SEMA3C: variants seen among roughly 807,000 people sequenced by gnomAD.
SEMA3C encodes the protein semaphorin-3C.
A neutral mutation model predicts 89.4 loss-of-function variants in SEMA3C; 47 were observed. That is an observed-to-expected ratio of 0.53 (90% confidence interval 0.42 to 0.67). The LOEUF is 0.67. Ranked by LOEUF, SEMA3C falls within the 30% of genes least tolerant of loss-of-function variation. The pLI is 0.00. For synonymous variants in SEMA3C, 310 were observed against 320.2 expected (o/e 0.97, Z 0.34); for missense variants, 839 against 929.1 (o/e 0.90, Z 1.26).
intron 2 of SEMA3C, among the ~76,000 whole-genome samples, chr7:80,881,452 G>C (rs1399032926): frequency 6.6e-6 from 1 of 152,090 alleles, no homozygotes; most frequent in South Asian, 2.1e-4. Context: ...AAACAGAATT[G>C]ATACTTCCTC....
chr7:80,814,633 T>C (rs969587246), intron 5 of SEMA3C, among the ~76,000 whole-genome samples: 1 of 152,012 alleles, frequency 6.6e-6, no homozygotes, highest in Admixed American at 6.6e-5. Context: ...TTCCATGGGA[T>C]CTCTCATTCA....
intron 2 of SEMA3C, among the ~76,000 whole-genome samples, chr7:80,907,813 T>C (rs965848520): frequency 1.3e-5 from 2 of 152,030 alleles, no homozygotes; most frequent in Non-Finnish European, 2.9e-5. Context: ...CTGCTTGAGT[T>C]ATGATAACTA....
intron 12 of SEMA3C, among the ~76,000 whole-genome samples, chr7:80,774,590 G>A (rs1463375196): frequency 6.6e-6 from 1 of 152,002 alleles, no homozygotes; most frequent in East Asian, 1.9e-4. Context: ...TAACTCCATG[G>A]GGTTAATAGC....
At chr7:80,804,331 C>T (rs1443998395) in intron 7 of SEMA3C, 83 bp from the exon 8 acceptor site, 1 of 915,156 alleles carries the variant, frequency 1.1e-6, no homozygotes, top group African/African-American at 1.7e-5. Context: ...AGGCAGATGC[C>T]TTCCCCATCT....
chr7:80,828,789 C>T, intron 2 of SEMA3C, 44 bp from the exon 3 acceptor site: 3 of 1,367,094 alleles, frequency 2.2e-6, no homozygotes, highest in Non-Finnish European at 3.0e-6. Context: ...TATCCTGGTT[C>T]TATAATTCTA....
At chr7:80,906,425 C>T (rs1792017186) in intron 2 of SEMA3C, among the ~76,000 whole-genome samples, 1 of 152,174 alleles carries the variant, frequency 6.6e-6, no homozygotes, top group South Asian at 2.1e-4. Context: ...TCTCGGCCAC[C>T]TTTAACTACA....
chr7:80,828,695 A>G lies in SEMA3C; in HGVS notation c.154T>C (p.Leu52=), dbSNP rs771271536. 1 of 1,611,618 alleles carries G rather than the reference A, an allele frequency of 6.2e-7. No individual in the cohort carries two copies. The highest frequency in any genetic ancestry group is 8.5e-7 in the Non-Finnish European group (1 of 1,178,292). The change falls in exon 3 of 18, where the codon TTA becomes CTA. Residue 52 remains leucine, a synonymous_variant. Transcript: ENST00000265361. ...TCCATTAATAAAATCCTGTAGTCTAAAGGATGGTGGGAAAGGCTGAAGTAT... is the reference window on the plus strand; with the variant it reads ...TCCATTAATAAAATCCTGTAGTCTAGAGGATGGTGGGAAAGGCTGAAGTAT... The part of the protein sequence containing the change: ...SEYFSLSHHP[L]DYRILLMDED...
At chr7:80,876,592 AGT>A (rs1455217753) in intron 2 of SEMA3C, among the ~76,000 whole-genome samples, 1 of 152,232 alleles carries the variant, frequency 6.6e-6, no homozygotes, top group Non-Finnish European at 1.5e-5. Flanking sequence ...ACATTTGCAA[AGT>A]GTGTTCCCAA....
intron 2 of SEMA3C, among the ~76,000 whole-genome samples, chr7:80,842,385 A>C (rs987158336): frequency 6.6e-6 from 1 of 152,146 alleles, no homozygotes; most frequent in Non-Finnish European, 1.5e-5. Flanking sequence ...TTTGCTCTGG[A>C]AACATAATAT....
chr7:80,859,179 A>C (rs1790714497), intron 2 of SEMA3C, among the ~76,000 whole-genome samples: 1 of 151,972 alleles, frequency 6.6e-6, no homozygotes, highest in Non-Finnish European at 1.5e-5. Flanking sequence ...GTGTGTGTGT[A>C]GGTGCAAAGA....
Position 80,917,964 on chromosome 7 carries a change from G to A in SEMA3C, c.-39+864C>T, listed in dbSNP as rs1792316417. Among the ~76,000 whole-genome samples, 10 of 152,308 alleles carry A rather than the reference G, an allele frequency of 6.6e-5. No homozygotes were observed. In the South Asian group the frequency reaches 2.1e-3, roughly 32 times the overall value. On this transcript the variant is annotated intron_variant, in intron 1 of 17. Transcript: ENST00000265361. ...CAATTTTAAACAAAAATTGTAAGTA[G>A]ATTTCCTAGGTGGTGCATATGTTAT... is the stretch of plus-strand genomic sequence containing the variant.
Position 80,919,039 on chromosome 7 carries a change from A to C in SEMA3C, c.-250T>G. ...AGCTCTTCTCCGCGTCGCTCAATCA[A>C]GCACCTCGGAGTGAATGGAAAGTGG... On this transcript the variant is annotated 5_prime_UTR_variant, in exon 1 of 18. Coordinates refer to ENST00000265361, the MANE Select transcript of SEMA3C (RefSeq NM_006379.5). 2 of 985,308 alleles carry C rather than the reference A, an allele frequency of 2.0e-6. No individual in the cohort carries two copies. The highest frequency in any genetic ancestry group is 2.4e-6 in the Non-Finnish European group (2 of 829,894). The allele number at this position is 985,308 out of a possible 1,614,324, so 61.0% of individuals were successfully genotyped here. A position where few individuals can be genotyped will look rare whatever the true frequency, so the allele number is the denominator to read the frequency against.
At chr7:80,818,471 T>C (rs1789664919) in intron 4 of SEMA3C, 53 bp from the exon 5 acceptor site, 1 of 1,575,120 alleles carries the variant, frequency 6.3e-7, no homozygotes, top group Non-Finnish European at 8.7e-7. Flanking sequence ...TCATTGTTAT[T>C]TCAGTTAGCT....
At chr7:80,909,375 C>A (rs1353389747) in intron 2 of SEMA3C, among the ~76,000 whole-genome samples, 1 of 151,966 alleles carries the variant, frequency 6.6e-6, no homozygotes, top group Non-Finnish European at 1.5e-5. Flanking sequence ...TTTACATTAG[C>A]CATTATATTA....
At chr7:80,913,700 A>C (rs1007114275) in intron 2 of SEMA3C, among the ~76,000 whole-genome samples, 1 of 152,264 alleles carries the variant, frequency 6.6e-6, no homozygotes, top group African/African-American at 2.4e-5. Context: ...TAGAAGATTT[A>C]AGTAGCACAA....
chr7:80,883,809 G>A (rs1259733614), intron 2 of SEMA3C, among the ~76,000 whole-genome samples: 1 of 152,190 alleles, frequency 6.6e-6, no homozygotes, highest in African/African-American at 2.4e-5. Flanking sequence ...TTTAAATCAT[G>A]AGACTTCAAC....
chr7:80,746,382 T>C (rs1387168009), intron 17 of SEMA3C, among the ~76,000 whole-genome samples: 2 of 152,094 alleles, frequency 1.3e-5, no homozygotes, highest in Non-Finnish European at 2.9e-5. Context: ...TTAATTTTAC[T>C]AAGTTTAAAT....
chr7:80,786,555 A>G (rs1788807284), intron 12 of SEMA3C, among the ~76,000 whole-genome samples: 1 of 152,226 alleles, frequency 6.6e-6, no homozygotes, highest in Non-Finnish European at 1.5e-5. Context: ...AGGAAAAAGA[A>G]AACTGTTTTT....
chr7:80,876,611 AG>A (rs1791209326), intron 2 of SEMA3C, among the ~76,000 whole-genome samples: 1 of 152,264 alleles, frequency 6.6e-6, no homozygotes, highest in Non-Finnish European at 1.5e-5. Context: ...CCAAATAATG[AG>A]AATGTTACCA....
Sources: gnomAD v4.1 joint callset for allele counts (sites outside exome capture counted in the v4.1 genomes callset) on GRCh38, gnomAD v4.1.1 for gene constraint, MANE v1.5 for transcripts, NCBI Gene and HGNC (gene_info 2026-07-23, HGNC 2026-07-21) for gene names.